The following FMN1 variants were observed in gnomAD, a reference collection of about 807,000 sequenced individuals.
The protein encoded by FMN1 is formin 1.
FMN1 carries 110 observed loss-of-function variants against 132.4 expected under a neutral mutation model. The observed-to-expected ratio is 0.83, with a 90% CI of 0.71 to 0.97. The LOEUF (loss-of-function observed/expected upper bound fraction) is 0.97. Among genes scored for constraint, FMN1 ranks in the 50% least tolerant of loss-of-function variants. FMN1 has a pLI of 0.00. For synonymous variants in FMN1, 722 were observed against 651.7 expected, an observed-to-expected ratio of 1.11 and a Z score of -1.64; for missense variants, 1,792 against 1,705.3, an observed-to-expected ratio of 1.05 and a Z score of -0.90.
intron 7 of FMN1, among the ~76,000 whole-genome samples, chr15:32,994,226 TCTCTCTCACA>T (rs56022511): frequency 0.57 from 83,881 of 148,262 alleles, 24,934 homozygotes; most frequent in East Asian, 0.79. Flanking sequence ...TCTCTCTCTC[TCTCTCTCACA>T]CACACACACA....
intron 4 of FMN1, among the ~76,000 whole-genome samples, chr15:33,094,236 A>C (rs2038999249): frequency 6.6e-6 from 1 of 152,212 alleles, no homozygotes; most frequent in South Asian, 2.1e-4. Context: ...AATAAAATGA[A>C]GATAATAAGA....
intron 9 of FMN1, among the ~76,000 whole-genome samples, chr15:32,948,052 T>C (rs2061547184): frequency 6.6e-6 from 1 of 152,036 alleles, no homozygotes; most frequent in South Asian, 2.1e-4. Context: ...TTTCACCAAA[T>C]ATGCCCTTGT....
chr15:33,147,788 T>C (rs1878703922), intron 4 of FMN1, among the ~76,000 whole-genome samples: 1 of 152,264 alleles, frequency 6.6e-6, no homozygotes, highest in Non-Finnish European at 1.5e-5. Context: ...ATTTATTTCG[T>C]ATTTCACATG....
intron 16 of FMN1, among the ~76,000 whole-genome samples, chr15:32,883,296 A>G (rs967313787): frequency 6.6e-6 from 1 of 152,056 alleles, no homozygotes; most frequent in African/African-American, 2.4e-5. Flanking sequence ...TGAGCCCAGG[A>G]AATTTGAGAC....
Position 32,978,257 on chromosome 15 carries a change from A to G in FMN1, c.2224-8780T>C, listed in dbSNP as rs183114538. The stretch of plus-strand genomic sequence containing the variant: ...GATAGTCATCCAAGGAAGTAGCAGG[A>G]AAGTAAAACAGATGTTTGAAATCTG... On this transcript the variant is annotated intron_variant, in intron 7 of 20. Coordinates refer to ENST00000616417, the MANE Select transcript of FMN1 (RefSeq NM_001277313.2). Among the ~76,000 whole-genome samples, 344 of 152,330 alleles carry G rather than the reference A, an allele frequency of 2.3e-3. 1 individual carries two copies. Among genetic ancestry groups the G allele is most frequent in the Non-Finnish European group, 2.3e-3 (157 of 68,028 alleles).
chr15:32,964,016 TACACACACACACAC>T (rs374980152), intron 9 of FMN1, 77 bp downstream of exon 9: 8 of 508,242 alleles, frequency 1.6e-5, no homozygotes, highest in African/African-American at 1.2e-4. Context: ...GTATATACGA[TACACACACACACAC>T]ACACACACAC....
intron 17 of FMN1, among the ~76,000 whole-genome samples, chr15:32,839,725 T>G (rs1248506134): frequency 6.6e-6 from 1 of 151,530 alleles, no homozygotes; most frequent in East Asian, 1.9e-4. Flanking sequence ...AAGATTCTCT[T>G]GAGAACCGAT....
At chr15:33,023,197 T>C (rs1218065198) in intron 6 of FMN1, among the ~76,000 whole-genome samples, 1 of 151,336 alleles carries the variant, frequency 6.6e-6, no homozygotes, top group Non-Finnish European at 1.5e-5. Context: ...CGACTTAGTC[T>C]GGGGGTCTTA....
At chr15:32,929,263 C>T (rs368560716) in intron 9 of FMN1, among the ~76,000 whole-genome samples, 20 of 152,192 alleles carry the variant, frequency 1.3e-4, no homozygotes, top group African/African-American at 4.3e-4. Flanking sequence ...AAAGATCCTT[C>T]TATGTTTCCA....
intron 6 of FMN1, among the ~76,000 whole-genome samples, chr15:33,030,323 G>A (rs1386421385): frequency 1.3e-5 from 2 of 152,192 alleles, no homozygotes; most frequent in Non-Finnish European, 2.9e-5. Flanking sequence ...AGAAAATAGA[G>A]ACCAGAGACC....
chr15:33,027,668 C>T (rs906531887), intron 6 of FMN1, among the ~76,000 whole-genome samples: 1 of 151,270 alleles, frequency 6.6e-6, no homozygotes, highest in Non-Finnish European at 1.5e-5. Context: ...TTCCTGATAA[C>T]CGACTTTCTC....
intron 16 of FMN1, among the ~76,000 whole-genome samples, chr15:32,885,132 C>T (rs1183866221): frequency 6.6e-6 from 1 of 152,172 alleles, no homozygotes; most frequent in Admixed American, 6.5e-5. Flanking sequence ...GAACTCAAAG[C>T]CTGATCTTAG....
intron 12 of FMN1, among the ~76,000 whole-genome samples, chr15:32,903,481 C>T (rs754924789): frequency 2.6e-5 from 4 of 152,260 alleles, no homozygotes; most frequent in Admixed American, 6.5e-5. Flanking sequence ...CTGGGGAAGA[C>T]GTATTTATTC....
At chr15:32,957,514 C>G (rs1026511890) in intron 9 of FMN1, among the ~76,000 whole-genome samples, 19 of 151,582 alleles carry the variant, frequency 1.3e-4, no homozygotes, top group Admixed American at 1.1e-3. Context: ...ACTAGATGTC[C>G]GAATGTATCA....
chr15:33,155,040 G>T lies in FMN1; in HGVS notation c.-126C>A. On this transcript the variant is annotated 5_prime_UTR_variant, in exon 4 of 21. Transcript: ENST00000616417. ...AGCTGACAGTCATCTCCAGCAATGA[G>T]ACTGCCTGTTAGAGGAACAGGGGAA... The T allele has an allele frequency of 1.4e-6, 1 of 701,990 alleles. No homozygotes were observed. Among genetic ancestry groups the T allele is most frequent in the Non-Finnish European group, 2.3e-6 (1 of 430,346 alleles). 43.5% of individuals were successfully genotyped at this position (701,990 alleles called of 1,614,324 possible).
intron 19 of FMN1, among the ~76,000 whole-genome samples, chr15:32,784,123 T>C (rs1446965053): frequency 2.0e-5 from 3 of 152,064 alleles, no homozygotes; most frequent in Non-Finnish European, 2.9e-5. Flanking sequence ...ATGGAGGAAA[T>C]GGGGCAGATA....
intron 16 of FMN1, among the ~76,000 whole-genome samples, chr15:32,869,629 T>C (rs546795537): frequency 4.6e-5 from 7 of 152,226 alleles, no homozygotes; most frequent in African/African-American, 1.7e-4. Flanking sequence ...TGAATTGCCA[T>C]GGGGAGAATA....
chr15:32,903,854 C>T (rs2060355298), intron 12 of FMN1, among the ~76,000 whole-genome samples: 1 of 152,146 alleles, frequency 6.6e-6, no homozygotes, highest in African/African-American at 2.4e-5. Context: ...AGGGCTTGCA[C>T]TGGAAAAGCT....
At chr15:33,091,445 T>C (rs1393640999) in intron 4 of FMN1, among the ~76,000 whole-genome samples, 1 of 152,240 alleles carries the variant, frequency 6.6e-6, no homozygotes, top group Non-Finnish European at 1.5e-5. Flanking sequence ...GTTTTAGTTT[T>C]AAAGAGTTAA....
Sources: gnomAD v4.1 joint callset for allele counts (sites outside exome capture counted in the v4.1 genomes callset) on GRCh38, gnomAD v4.1.1 for gene constraint, MANE v1.5 for transcripts, NCBI Gene and HGNC (gene_info 2026-07-23, HGNC 2026-07-21) for gene names.